The following POFUT3 variants were observed in gnomAD, a reference collection of about 807,000 sequenced individuals.
POFUT3 encodes the protein protein O-fucosyltransferase 3.
chr8:33,382,224 G>A, the POFUT3 span, among the ~76,000 whole-genome samples: 1 of 150,558 alleles, frequency 6.6e-6, no homozygotes, highest in Non-Finnish European at 1.5e-5. Context: ...CCTCGGAGCT[G>A]GAGGTTGCAG....
At chr8:33,358,255 A>AAATAAAT in the POFUT3 span, among the ~76,000 whole-genome samples, 2 of 152,212 alleles carry the variant, frequency 1.3e-5, no homozygotes, top group Non-Finnish European at 2.9e-5. Flanking sequence ...CCTGTCTCAA[A>AAATAAAT]AATAAATAAT....
At chr8:33,468,219 G>A in the POFUT3 span, among the ~76,000 whole-genome samples, 16 of 145,848 alleles carry the variant, frequency 1.1e-4, no homozygotes, top group African/African-American at 3.6e-4. Context: ...CAGCCTGGAC[G>A]ACAGAATGAA....
the POFUT3 span, among the ~76,000 whole-genome samples, chr8:33,459,296 C>T: frequency 0.012 from 1,840 of 151,984 alleles, 44 homozygotes; most frequent in African/African-American, 0.042. Context: ...GCCGAAATCA[C>T]GCCATTGCAC....
At chr8:33,340,697 G>C in the POFUT3 span, among the ~76,000 whole-genome samples, 12 of 151,836 alleles carry the variant, frequency 7.9e-5, no homozygotes, top group African/African-American at 2.4e-4. Context: ...AACAGATAGG[G>C]ACATTACAGA....
At chr8:33,372,283 C>T in the POFUT3 span, 1 of 1,119,040 alleles carries the variant, frequency 8.9e-7, no homozygotes, top group Non-Finnish European at 1.1e-6. Context: ...GGAAAGTACT[C>T]ACTCTAGGTG....
the POFUT3 span, among the ~76,000 whole-genome samples, chr8:33,329,029 G>A: frequency 7.5e-4 from 114 of 152,110 alleles, no homozygotes; most frequent in African/African-American, 2.5e-3. Flanking sequence ...TGAATCTATC[G>A]GACATCATGT....
the POFUT3 span, among the ~76,000 whole-genome samples, chr8:33,334,251 T>C: frequency 1.3e-5 from 2 of 151,922 alleles, no homozygotes; most frequent in African/African-American, 2.4e-5. Context: ...AGAGTCTCAC[T>C]CTGTTGCCCA....
the POFUT3 span, among the ~76,000 whole-genome samples, chr8:33,388,122 T>G: frequency 6.6e-6 from 1 of 152,258 alleles, no homozygotes; most frequent in South Asian, 2.1e-4. Context: ...TCCCCACCAT[T>G]ATTTCAGTAG....
chr8:33,325,309 G>A, the POFUT3 span, among the ~76,000 whole-genome samples: 2 of 152,180 alleles, frequency 1.3e-5, no homozygotes, highest in African/African-American at 4.8e-5. Flanking sequence ...CCCCATCAGA[G>A]TGGCAGTCCA....
At chr8:33,374,086 G>A in the POFUT3 span, among the ~76,000 whole-genome samples, 1 of 152,296 alleles carries the variant, frequency 6.6e-6, no homozygotes, top group East Asian at 1.9e-4. Flanking sequence ...TGCCGTCTGA[G>A]CTCTGCCTCC....
chr8:33,470,054 A>G, the POFUT3 span, among the ~76,000 whole-genome samples: 1 of 151,414 alleles, frequency 6.6e-6, no homozygotes, highest in Non-Finnish European at 1.5e-5. Context: ...CGGCCTCCCA[A>G]AGTGCTAGGA....
At chr8:33,349,207 C>T in the POFUT3 span, among the ~76,000 whole-genome samples, 1 of 152,322 alleles carries the variant, frequency 6.6e-6, no homozygotes, top group African/African-American at 2.4e-5. Context: ...CATTTTTCCC[C>T]ATTCATGAAT....
At chr8:33,336,503 T>C in the POFUT3 span, among the ~76,000 whole-genome samples, 1 of 152,200 alleles carries the variant, frequency 6.6e-6, no homozygotes, top group Admixed American at 6.5e-5. Flanking sequence ...AGCTCGCACA[T>C]CTTTTAAAAG....
At chr8:33,405,816 G>T in the POFUT3 span, among the ~76,000 whole-genome samples, 1 of 152,158 alleles carries the variant, frequency 6.6e-6, no homozygotes, top group Non-Finnish European at 1.5e-5. Context: ...CCAATCAAAT[G>T]TATAAGTAAA....
the POFUT3 span, among the ~76,000 whole-genome samples, chr8:33,425,894 C>T: frequency 6.8e-6 from 1 of 148,124 alleles, no homozygotes; most frequent in Non-Finnish European, 1.5e-5. Flanking sequence ...AAGAGCAAAA[C>T]TCCATCTCAA....
the POFUT3 span, among the ~76,000 whole-genome samples, chr8:33,320,146 A>G: frequency 6.6e-6 from 1 of 151,890 alleles, no homozygotes; most frequent in African/African-American, 2.4e-5. Context: ...ATTTTATGAG[A>G]TCTTAACCTT....
chr8:33,400,723 ACTT>A, the POFUT3 span, among the ~76,000 whole-genome samples: 3 of 152,266 alleles, frequency 2.0e-5, no homozygotes, highest in African/African-American at 4.8e-5. Flanking sequence ...AAGTATCAAA[ACTT>A]CTTCAGAGTC....
the POFUT3 span, chr8:33,455,645 C>G: frequency 3.5e-6 from 1 of 283,192 alleles, no homozygotes; most frequent in Non-Finnish European, 7.1e-6. Context: ...GAAACAAATA[C>G]AGCGTTAAAG....
the POFUT3 span, among the ~76,000 whole-genome samples, chr8:33,319,235 T>TATAATATGTA: frequency 1.1e-5 from 1 of 92,726 alleles, no homozygotes; most frequent in African/African-American, 4.5e-5. Flanking sequence ...ATATTTTACA[T>TATAATATGTA]AATATATAAA....
Sources: gnomAD v4.1 joint callset for allele counts (sites outside exome capture counted in the v4.1 genomes callset) on GRCh38, gnomAD v4.1.1 for gene constraint, MANE v1.5 for transcripts, NCBI Gene and HGNC (gene_info 2026-07-23, HGNC 2026-07-21) for gene names.